Variants in FAM217A observed in about 807,000 individuals in gnomAD.
The protein encoded by FAM217A is protein FAM217A.
Under a neutral mutation model 18.5 loss-of-function variants are expected in FAM217A, and 13 were observed. The ratio of observed to expected loss-of-function variants is 0.70; its 90% CI spans 0.46 to 1.12. FAM217A has a LOEUF of 1.12. Ranked by LOEUF, FAM217A falls within the 50% of genes most tolerant of loss-of-function variation. The probability of loss-of-function intolerance (pLI) is 0.00; values close to 1 mark genes in which losing one functional copy is unlikely to be tolerated. For missense variants in FAM217A, 560 were observed against 575.4 expected, an observed-to-expected ratio of 0.97 and a Z score of 0.27; for synonymous variants, 161 against 202.8, an observed-to-expected ratio of 0.79 and a Z score of 1.75.
intron 2 of FAM217A, chr6:4,084,561 T>C (rs1354248594): frequency 4.3e-6 from 3 of 701,844 alleles, no homozygotes; most frequent in Non-Finnish European, 5.2e-6. Flanking sequence ...GGTTAAAGTC[T>C]CAGTGTCAGA....
At chr6:4,087,093 T>C (rs1314073911), upstream of FAM217A, 1 of 400,350 alleles carries the variant, frequency 2.5e-6, no homozygotes, top group African/African-American at 2.1e-5. Flanking sequence ...ATGTAACCAC[T>C]CTCTCTTGGG....
chr6:4,076,811 T>A (rs1429241792), intron 2 of FAM217A, among the ~76,000 whole-genome samples: 1 of 152,102 alleles, frequency 6.6e-6, no homozygotes, highest in East Asian at 1.9e-4. Flanking sequence ...GGGGTTATAG[T>A]GAGTTGAGAT....
At chr6:4,082,089 A>T (rs758582457), upstream of FAM217A, among the ~76,000 whole-genome samples, 10 of 152,154 alleles carry the variant, frequency 6.6e-5, no homozygotes, top group African/African-American at 9.7e-5. Context: ...TGACATCAGC[A>T]TCAAAATCAT....
chr6:4,069,981 T>C, intron 6 of FAM217A, 61 bp from the exon 7 acceptor site: 1 of 1,237,336 alleles, frequency 8.1e-7, no homozygotes, highest in East Asian at 2.6e-5. Context: ...GCTATTAAAA[T>C]GATACAGTTA....
At chr6:4,077,120 CAA>C (rs1769856199) in intron 2 of FAM217A, among the ~76,000 whole-genome samples, 1 of 152,166 alleles carries the variant, frequency 6.6e-6, no homozygotes, top group South Asian at 2.1e-4. Context: ...TTAACAAAGC[CAA>C]ATTGCAATTA....
chr6:4,084,717 T>C, exon 2 of FAM217A: 1 of 703,028 alleles, frequency 1.4e-6, no homozygotes, highest in Non-Finnish European at 2.6e-6. Flanking sequence ...CTGTGAACAT[T>C]ACTGAACACC....
At chr6:4,077,486 G>A (rs1265848677) in intron 1 of FAM217A, 38 bp from the exon 2 acceptor site, 5 of 1,464,010 alleles carry the variant, frequency 3.4e-6, no homozygotes, top group African/African-American at 1.4e-5. Context: ...TATGGGTAAG[G>A]GTCAACATTT....
At chr6:4,077,084 G>T (rs1769852324) in intron 2 of FAM217A, among the ~76,000 whole-genome samples, 5 of 152,204 alleles carry the variant, frequency 3.3e-5, no homozygotes, top group Non-Finnish European at 7.3e-5. Flanking sequence ...AGTGAGCACT[G>T]CCTGGTTGAT....
intron 1 of FAM217A, 146 bp from the exon 2 acceptor site, chr6:4,077,594 A>G: frequency 1.5e-6 from 1 of 667,034 alleles, no homozygotes; most frequent in Non-Finnish European, 2.6e-6. Context: ...GGTGGGGGTG[A>G]CAGTACGAAA....
At position 4,084,577 on chromosome 6, in the gene FAM217A, C is replaced by T; in HGVS notation, c.251+1G>A. On this transcript the variant is annotated splice_donor_variant, in intron 2 of 8. Coordinates refer to the FAM217A transcript ENST00000639338. LOFTEE classifies it high-confidence loss of function. Reference sequence around the variant, plus strand: ...GTTAAAGTCTCAGTGTCAGAACTTACTTTCTGGTGCCAGGAAAGGTGTAAC... The same window carrying T: ...GTTAAAGTCTCAGTGTCAGAACTTATTTTCTGGTGCCAGGAAAGGTGTAAC... The T allele has an allele frequency of 1.4e-6, 1 of 702,782 alleles. No homozygotes were observed. Among genetic ancestry groups the T allele is most frequent in the Non-Finnish European group, 2.6e-6 (1 of 384,920 alleles). 43.5% of individuals were successfully genotyped at this position (702,782 alleles called of 1,614,324 possible).
chr6:4,081,097 G>T (rs1267216215), upstream of FAM217A, among the ~76,000 whole-genome samples: 1 of 152,088 alleles, frequency 6.6e-6, no homozygotes, highest in African/African-American at 2.4e-5. Flanking sequence ...AGAGTGCCTG[G>T]CATGTACTGT....
Position 4,068,861 on chromosome 6 carries a change from A to C in FAM217A, c.1362T>G (p.Asn454Lys), listed in dbSNP as rs1561917892. The stretch of plus-strand genomic sequence containing the variant: ...TCGGTGCCTTAATTTCTTCCTTCTG[A>C]TTTTCGGGAAAAGTCAGAGGTATAG... ...VSPIPLTFPE[N>K]QKEEIKAPKR... The change falls in exon 7 of 7, where the codon AAT becomes AAG. Residue 454 changes from asparagine to lysine, a missense_variant. Transcript: ENST00000274673. The C allele has an allele frequency of 6.2e-7, 1 of 1,614,006 alleles. No homozygotes were observed. The highest frequency in any genetic ancestry group is 2.2e-5 in the East Asian group (1 of 44,870).
chr6:4,077,223 AG>A, intron 2 of FAM217A, 131 bp downstream of exon 2: 1 of 788,560 alleles, frequency 1.3e-6, no homozygotes, highest in Non-Finnish European at 2.0e-6. Context: ...ATGTGCCAAA[AG>A]GAAAACACAG....
chr6:4,071,857 C>G (rs1769437005), intron 6 of FAM217A, among the ~76,000 whole-genome samples: 1 of 152,044 alleles, frequency 6.6e-6, no homozygotes, highest in African/African-American at 2.4e-5. Flanking sequence ...AACAAGTGAA[C>G]CACTCTCCTG....
chr6:4,076,795 G>C (rs1769828329), intron 2 of FAM217A, among the ~76,000 whole-genome samples: 2 of 152,222 alleles, frequency 1.3e-5, no homozygotes, highest in African/African-American at 4.8e-5. Flanking sequence ...TTGAACCCGG[G>C]AGGTGGGGGT....
At chr6:4,085,311 A>ATATATATAT (rs1554147275) in intron 1 of FAM217A, among the ~76,000 whole-genome samples, 10 of 146,420 alleles carry the variant, frequency 6.8e-5, no homozygotes, top group East Asian at 2.0e-4. Flanking sequence ...TGTAAAAAAA[A>ATATATATAT]ATATATATAT....
intron 1 of FAM217A, among the ~76,000 whole-genome samples, chr6:4,078,284 C>T (rs6930491): frequency 0.051 from 7,721 of 152,004 alleles, 679 homozygotes; most frequent in African/African-American, 0.18. Context: ...GAACTCCTGA[C>T]CTCGTGATCC....
At chr6:4,077,663 C>T (rs968614912) in intron 1 of FAM217A, among the ~76,000 whole-genome samples, 2 of 142,352 alleles carry the variant, frequency 1.4e-5, no homozygotes, top group African/African-American at 2.7e-5. Context: ...AGCAAACTGG[C>T]AGATCTCAGA....
At chr6:4,082,173 T>G (rs781652634), upstream of FAM217A, among the ~76,000 whole-genome samples, 1 of 152,136 alleles carries the variant, frequency 6.6e-6, no homozygotes, top group Non-Finnish European at 1.5e-5. Flanking sequence ...ACTTGGAAAT[T>G]GTGCCCTCTC....
Sources: allele counts gnomAD v4.1 joint callset (sites outside exome capture counted in the v4.1 genomes callset), GRCh38; gene constraint gnomAD v4.1.1; transcripts MANE v1.5; gene names NCBI Gene and HGNC (gene_info 2026-07-23, HGNC 2026-07-21).